The following PARN variants were observed in gnomAD, a reference collection of about 807,000 sequenced individuals.
PARN encodes poly(A)-specific ribonuclease PARN.
PARN carries 71 observed loss-of-function variants against 102.8 expected under a neutral mutation model. The observed-to-expected ratio is 0.69, with a 90% CI of 0.57 to 0.84. The LOEUF (loss-of-function observed/expected upper bound fraction) is 0.84. Among genes scored for constraint, PARN ranks in the 40% least tolerant of loss-of-function variants. PARN has a pLI of 0.00. For missense variants in PARN, 782 were observed against 760.9 expected (o/e 1.03, Z -0.33); for synonymous variants, 261 against 252.9 (o/e 1.03, Z -0.30).
chr16:14,501,337 G>C (rs1964580579), intron 21 of PARN, among the ~76,000 whole-genome samples: 1 of 144,874 alleles, frequency 6.9e-6, no homozygotes, highest in Admixed American at 7.0e-5. Context: ...GTCTGGAGTG[G>C]TGGTGTGCGC....
At chr16:14,473,457 T>C (rs957303736) in intron 22 of PARN, among the ~76,000 whole-genome samples, 1 of 152,188 alleles carries the variant, frequency 6.6e-6, no homozygotes, top group Non-Finnish European at 1.5e-5. Context: ...AAGCTAAGGC[T>C]CTATCCCAAG....
intron 18 of PARN, among the ~76,000 whole-genome samples, chr16:14,564,354 G>C (rs941794973): frequency 3.9e-5 from 6 of 152,210 alleles, no homozygotes; most frequent in African/African-American, 1.4e-4. Flanking sequence ...TACAAAAAAT[G>C]AGGTTGCTGT....
At chr16:14,618,820 G>A (rs207475770) in intron 5 of PARN, among the ~76,000 whole-genome samples, 7 of 152,252 alleles carry the variant, frequency 4.6e-5, no homozygotes, top group South Asian at 4.1e-4. Flanking sequence ...ACAGGCACAT[G>A]CACAGGTTAT....
At chr16:14,531,722 C>A (rs1966339735) in intron 21 of PARN, among the ~76,000 whole-genome samples, 1 of 151,324 alleles carries the variant, frequency 6.6e-6, no homozygotes, top group Non-Finnish European at 1.5e-5. Flanking sequence ...ATGAGGGTGC[C>A]CCCCCAGACA....
intron 21 of PARN, among the ~76,000 whole-genome samples, chr16:14,540,931 A>G (rs1393241998): frequency 6.6e-6 from 1 of 152,142 alleles, no homozygotes; most frequent in Non-Finnish European, 1.5e-5. Flanking sequence ...AGCCCGGGCC[A>G]CAGGACAAGA....
At chr16:14,608,117 G>C in intron 9 of PARN, 164 bp downstream of exon 9, 1 of 633,592 alleles carries the variant, frequency 1.6e-6, no homozygotes, top group Admixed American at 3.3e-5. Context: ...AATAACAAAA[G>C]AAAATTAAGT....
chr16:14,595,433 T>A (rs999388843), intron 12 of PARN, among the ~76,000 whole-genome samples: 6 of 152,126 alleles, frequency 3.9e-5, no homozygotes, highest in Admixed American at 3.9e-4. Context: ...GGCACCATCA[T>A]GGCTCAATGC....
chr16:14,485,534 G>A (rs1332249642), intron 21 of PARN, among the ~76,000 whole-genome samples: 1 of 152,136 alleles, frequency 6.6e-6, no homozygotes, highest in Non-Finnish European at 1.5e-5. Context: ...CTAAGCTTGT[G>A]ACAGATTAAA....
chr16:14,630,204 A>ACTGCGGCAGTAG lies in PARN; in HGVS notation c.-91_-80dup. On this transcript the variant is annotated 5_prime_UTR_variant, in exon 1 of 24. Transcript: ENST00000437198. ...GTTCTACTCGCCGAATTCCGCGGCG[A>ACTGCGGCAGTAG]CTGCGGCAGTAGCTGAGGCAGCCGC... The ACTGCGGCAGTAG allele has an allele frequency of 7.6e-7, 1 of 1,309,632 alleles. No individual in the cohort carries two copies. 81.1% of individuals were successfully genotyped at this position (1,309,632 alleles called of 1,614,324 possible).
chr16:14,532,789 C>T (rs1320587925), intron 21 of PARN, among the ~76,000 whole-genome samples: 45 of 150,048 alleles, frequency 3.0e-4, no homozygotes, highest in African/African-American at 5.2e-4. Context: ...CTGGACGGGG[C>T]GGCTGGCCGG....
chr16:14,561,686 G>A (rs1968076307), intron 18 of PARN, among the ~76,000 whole-genome samples: 1 of 152,180 alleles, frequency 6.6e-6, no homozygotes, highest in Non-Finnish European at 1.5e-5. Flanking sequence ...GCTCGTGCCT[G>A]TAGTCCCAGC....
intron 17 of PARN, among the ~76,000 whole-genome samples, 170 bp from the exon 18 acceptor site, chr16:14,581,113 C>T (rs1003914568): frequency 7.2e-5 from 11 of 152,046 alleles, no homozygotes; most frequent in Non-Finnish European, 1.0e-4. Flanking sequence ...AGTGCAATGG[C>T]GCAATCTCGG....
chr16:14,494,650 C>T (rs576595088), intron 21 of PARN, among the ~76,000 whole-genome samples: 18 of 152,274 alleles, frequency 1.2e-4, no homozygotes, highest in Admixed American at 5.2e-4. Context: ...GCGGTGCAGC[C>T]GGAACGATGC....
intron 21 of PARN, among the ~76,000 whole-genome samples, chr16:14,499,837 C>T (rs1467773955): frequency 6.6e-6 from 1 of 152,162 alleles, no homozygotes; most frequent in Non-Finnish European, 1.5e-5. Flanking sequence ...AAAGGGAACC[C>T]TGTCTCCAAA....
intron 5 of PARN, among the ~76,000 whole-genome samples, chr16:14,625,910 T>A (rs898581538): frequency 6.6e-6 from 1 of 152,184 alleles, no homozygotes; most frequent in Non-Finnish European, 1.5e-5. Context: ...TTTAATCACA[T>A]AGCCACACAA....
In PARN at chr16:14,606,112, C is replaced by T. The variant is rs143587676; in HGVS notation, c.702+372G>A. Among the ~76,000 whole-genome samples the T allele has an allele frequency of 1.4e-4, 21 of 152,242 alleles. No individual in the cohort carries two copies. In the East Asian group the frequency reaches 3.9e-3, roughly 28 times the overall value. On this transcript the variant is annotated intron_variant, in intron 10 of 23. Coordinates refer to ENST00000437198, the MANE Select transcript of PARN (RefSeq NM_002582.4). ...AAGATACAAATTCTGACTTTCAGCA[C>T]ACTAAGGATTGAGCATGGTAGCTCA...
chr16:14,436,879 G>T, intron 23 of PARN, 107 bp from the exon 24 acceptor site: 1 of 799,402 alleles, frequency 1.3e-6, no homozygotes. Context: ...GGCTGCAGAC[G>T]GGGCCAGCGT....
rs748350559 is a variant in PARN, at chr16:14,510,044, T to C, written c.1481-27217A>G. On this transcript the variant is annotated intron_variant, in intron 21 of 23. Transcript: ENST00000437198. ...CCAACAGAACAATGGCAAAAACAAC[T>C]GGTAGGATGTTCCCGTTGAGAAGGA... Among the ~76,000 whole-genome samples, 241 of 152,112 alleles carry C rather than the reference T, an allele frequency of 1.6e-3. 1 individual carries two copies. Among genetic ancestry groups the C allele is most frequent in the Non-Finnish European group, 3.1e-3 (209 of 67,978 alleles).
intron 21 of PARN, among the ~76,000 whole-genome samples, chr16:14,531,445 A>C (rs1966323570): frequency 6.6e-6 from 1 of 152,180 alleles, no homozygotes; most frequent in South Asian, 2.1e-4. Context: ...ATGAACTCTA[A>C]ATTAGGAACT....
Sources: gnomAD v4.1 joint callset for allele counts (sites outside exome capture counted in the v4.1 genomes callset) on GRCh38, gnomAD v4.1.1 for gene constraint, MANE v1.5 for transcripts, NCBI Gene and HGNC (gene_info 2026-07-23, HGNC 2026-07-21) for gene names.